Variants in RAD52 observed in about 807,000 individuals in gnomAD.
RAD52 encodes the protein RAD52 DNA repair protein.
A neutral mutation model predicts 55.5 loss-of-function variants in RAD52; 47 were observed. The ratio of observed to expected loss-of-function variants is 0.85; its 90% confidence interval spans 0.67 to 1.08. The LOEUF is 1.08. Among genes scored for constraint, RAD52 ranks in the 50% least tolerant of loss-of-function variants. The pLI is 0.00. For missense variants in RAD52, 468 were observed against 522.8 expected (o/e 0.90, Z 1.02); for synonymous variants, 184 against 198.9 (o/e 0.92, Z 0.63).
At chr12:929,948 C>T (rs920872550) in intron 4 of RAD52, 62 bp from the exon 5 acceptor site, 2 of 1,574,754 alleles carry the variant, frequency 1.3e-6, no homozygotes, top group Non-Finnish European at 1.7e-6. Context: ...AACCATTCCT[C>T]CTGCTGGCAG....
At chr12:916,317 A>AG in intron 9 of RAD52, 27 bp downstream of exon 9, 4 of 1,600,700 alleles carry the variant, frequency 2.5e-6, no homozygotes, top group Non-Finnish European at 3.4e-6. Flanking sequence ...GACGCCTCCC[A>AG]GGGCCCTGCT....
chr12:966,906 G>T (rs1344616298), intron 1 of RAD52, among the ~76,000 whole-genome samples: 1 of 151,156 alleles, frequency 6.6e-6, no homozygotes, highest in East Asian at 1.9e-4. Context: ...TGCGTCACAA[G>T]GTAAAAAAAA....
At chr12:916,119 C>A in intron 9 of RAD52, 16 of 1,243,238 alleles carry the variant, frequency 1.3e-5, no homozygotes, top group Non-Finnish European at 1.7e-5. Context: ...CCACTTAGTT[C>A]CACGGGGGAA....
Position 912,645 on chromosome 12 carries a change from T to C in RAD52, c.*746A>G, listed in dbSNP as rs141377306. 4.6e-3 allele frequency: 755 copies of C among 163,110 alleles called. 3 individuals are homozygous for C. Among genetic ancestry groups the C allele is most frequent in the African/African-American group, 0.018 (712 of 38,988 alleles). 10.1% of individuals were successfully genotyped at this position (163,110 alleles called of 1,614,324 possible). A position where few individuals can be genotyped will look rare whatever the true frequency, so the allele number is the denominator to read the frequency against. On this transcript the variant is annotated 3_prime_UTR_variant, in exon 12 of 12. Coordinates refer to ENST00000358495, the MANE Select transcript of RAD52 (RefSeq NM_134424.4). ...GTAAGGCAGAGGTGGGAGTATCACT[T>C]GGGCCCAAGAGGTTGTGGAGAGAGC... is the stretch of plus-strand genomic sequence containing the variant.
At chr12:922,212 A>AAAC (rs1555170867) in intron 7 of RAD52, among the ~76,000 whole-genome samples, 1 of 151,370 alleles carries the variant, frequency 6.6e-6, no homozygotes, top group Non-Finnish European at 1.5e-5. Context: ...AAAAAAAAAA[A>AAAC]ACCAAAAACT....
chr12:932,636 A>G (rs147884704), intron 2 of RAD52, among the ~76,000 whole-genome samples: 8 of 152,316 alleles, frequency 5.3e-5, no homozygotes, highest in African/African-American at 1.7e-4. Context: ...ATCTAAATCT[A>G]ATCCCCAGTA....
intron 1 of RAD52, chr12:977,029 C>T (rs376382363): frequency 1.3e-5 from 2 of 152,492 alleles, no homozygotes; most frequent in Admixed American, 6.5e-5. Flanking sequence ...GTTGGCTCCA[C>T]AGTCCTCGAT....
rs1015494446 is a variant in RAD52 at position 911,758 on chromosome 12, A to G, written c.*1633T>C. ...TGGCTGGGCGCAATGGCTCATGCCT[A>G]TAATTCTAGTACTTTTTACTTTGGG... On this transcript the variant is annotated 3_prime_UTR_variant, in exon 12 of 12. Transcript: ENST00000358495. 1.3e-5 allele frequency among the ~76,000 whole-genome samples: 2 copies of G among 152,182 alleles called. No individual in the cohort carries two copies. Among genetic ancestry groups the G allele is most frequent in the African/African-American group, 2.4e-5 (1 of 41,432 alleles).
At chr12:980,495 T>C (rs1958999579) in intron 1 of RAD52, among the ~76,000 whole-genome samples, 2 of 151,750 alleles carry the variant, frequency 1.3e-5, no homozygotes, top group African/African-American at 2.4e-5. Context: ...GGTTGCACCA[T>C]GTTGGCCAGG....
At chr12:930,792 T>G (rs925968188) in intron 3 of RAD52, among the ~76,000 whole-genome samples, 2 of 151,878 alleles carry the variant, frequency 1.3e-5, no homozygotes, top group African/African-American at 4.8e-5. Context: ...CATGGCGAGA[T>G]GTCGTCTCTA....
chr12:957,470 A>AG (rs1237116968), intron 1 of RAD52, among the ~76,000 whole-genome samples: 1 of 146,952 alleles, frequency 6.8e-6, no homozygotes, highest in Non-Finnish European at 1.5e-5. Context: ...TCGTCTCAAA[A>AG]AAAAAAAAAA....
At chr12:987,360 A>G (rs565712950) in intron 1 of RAD52, among the ~76,000 whole-genome samples, 1 of 87,768 alleles carries the variant, frequency 1.1e-5, no homozygotes, top group South Asian at 4.9e-4. Flanking sequence ...AACATTTCAC[A>G]TGGTTGAATT....
chr12:953,198 G>A (rs904419383), upstream of RAD52, among the ~76,000 whole-genome samples: 1 of 151,234 alleles, frequency 6.6e-6, no homozygotes, highest in Non-Finnish European at 1.5e-5. Context: ...TCAGCTACTC[G>A]GGAGGCTGAG....
intron 1 of RAD52, among the ~76,000 whole-genome samples, chr12:934,356 G>A (rs531793162): frequency 6.6e-6 from 1 of 151,224 alleles, no homozygotes; most frequent in Non-Finnish European, 1.5e-5. Flanking sequence ...CCAGCTACTT[G>A]GGAGGCTGAG....
At chr12:969,301 T>G (rs560334886) in intron 1 of RAD52, among the ~76,000 whole-genome samples, 1 of 152,144 alleles carries the variant, frequency 6.6e-6, no homozygotes, top group South Asian at 2.1e-4. Flanking sequence ...CAAAGAATTA[T>G]TTAACATTCT....
At chr12:953,107 C>A (rs1427633488), upstream of RAD52, among the ~76,000 whole-genome samples, 2 of 147,104 alleles carry the variant, frequency 1.4e-5, no homozygotes, top group African/African-American at 5.0e-5. Context: ...GAGTTTGAGA[C>A]CACCCTGGCC....
At chr12:929,717 C>G (rs1957226111) in intron 5 of RAD52, 102 bp downstream of exon 5, 1 of 1,123,816 alleles carries the variant, frequency 8.9e-7, no homozygotes, top group Admixed American at 1.7e-5. Flanking sequence ...AGACACAACT[C>G]TGGAGCCTGG....
chr12:918,894 C>A lies in RAD52; in HGVS notation c.544-2074G>T, dbSNP rs182714292. ...TGGATGATACGTGCACTCGTCTAAC[C>A]TGTCTATATGTTCTTTTTCATACTT... is the stretch of plus-strand genomic sequence containing the variant. On this transcript the variant is annotated intron_variant, in intron 7 of 11. Transcript: ENST00000358495. 1.7e-3 allele frequency among the ~76,000 whole-genome samples: 257 copies of A among 152,230 alleles called. 2 individuals are homozygous for A. Among genetic ancestry groups the A allele is most frequent in the South Asian group, 0.011 (55 of 4,810 alleles).
rs1956131899 is a variant in RAD52 at position 912,283 on chromosome 12, AAC to A, written c.*1106_*1107del. The A allele has an allele frequency of 1.0e-5, 2 of 198,168 alleles. No individual in the cohort carries two copies. Among genetic ancestry groups the A allele is most frequent in the East Asian group, 7.8e-5 (1 of 12,878 alleles). 12.3% of individuals were successfully genotyped at this position (198,168 alleles called of 1,614,324 possible). A position where few individuals can be genotyped will look rare whatever the true frequency, so the allele number is the denominator to read the frequency against. The stretch of plus-strand genomic sequence containing the variant: ...ACAAGTCGCAAAGCACCAGGCATAC[AAC>A]AGTTTATGCAGCGACCCTAAGAGAA... On this transcript the variant is annotated 3_prime_UTR_variant, in exon 12 of 12. Coordinates refer to ENST00000358495, the MANE Select transcript of RAD52 (RefSeq NM_134424.4).
Sources: allele counts gnomAD v4.1 joint callset (sites outside exome capture counted in the v4.1 genomes callset), GRCh38; gene constraint gnomAD v4.1.1; transcripts MANE v1.5; gene names NCBI Gene and HGNC (gene_info 2026-07-23, HGNC 2026-07-21).